SH3D19: variants seen among roughly 807,000 people sequenced by gnomAD.
The protein encoded by SH3D19 is SH3 domain containing 19, also known as SH3 domain-containing protein 19.
In SH3D19, 58 loss-of-function variants were observed where a neutral mutation model predicts 112.1. The observed-to-expected ratio is 0.52, with a 90% confidence interval of 0.42 to 0.64. SH3D19 has a LOEUF of 0.64. SH3D19 is among the 30% of genes least tolerant of loss of function. The probability of loss-of-function intolerance (pLI) is 0.00; values close to 1 mark genes in which losing one functional copy is unlikely to be tolerated. For missense variants in SH3D19, 1,090 were observed against 1,263.4 expected, an observed-to-expected ratio of 0.86 and a Z score of 2.08; for synonymous variants, 391 against 448.5, an observed-to-expected ratio of 0.87 and a Z score of 1.62.
At position 151,133,123 on chromosome 4, in the gene SH3D19, C is replaced by T. The variant is rs1361511395; in HGVS notation, c.2600G>A (p.Arg867Lys). ...LKEYVNEEWARGEVRGRTGIF... is the reference protein window; with the variant it reads ...LKEYVNEEWAKGEVRGRTGIF... ...CCCAGTTCTGCCTCGAACTTCTCCT[C>T]TGGCCCATTCCTCATTCACATACTC... is the stretch of plus-strand genomic sequence containing the variant. Residue 867 changes from arginine to lysine, a missense_variant, in exon 16 of 20, where the codon AGA becomes AAA. Transcript: ENST00000604030. 1 of 1,614,204 alleles carries T rather than the reference C, an allele frequency of 6.2e-7. No homozygotes were observed. The highest frequency in any genetic ancestry group is 1.1e-5 in the South Asian group (1 of 91,090).
chr4:151,283,173 G>A, intron 1 of SH3D19: 1 of 1,613,848 alleles, frequency 6.2e-7, no homozygotes, highest in Non-Finnish European at 8.5e-7. Flanking sequence ...TGACCGCCAG[G>A]CTTGTGAACA....
intron 1 of SH3D19, among the ~76,000 whole-genome samples, chr4:151,237,110 G>A (rs564322708): frequency 4.5e-4 from 69 of 152,098 alleles, no homozygotes; most frequent in African/African-American, 8.9e-4. Flanking sequence ...AACATGCACC[G>A]CGAAAGTCTG....
At chr4:151,136,159 A>AT (rs1215738247) in intron 14 of SH3D19, among the ~76,000 whole-genome samples, 10 of 152,016 alleles carry the variant, frequency 6.6e-5, no homozygotes, top group African/African-American at 2.4e-4. Flanking sequence ...TTATTTATTT[A>AT]TTTTTTGAGA....
intron 1 of SH3D19, among the ~76,000 whole-genome samples, chr4:151,297,751 G>A (rs944095995): frequency 9.2e-5 from 14 of 152,180 alleles, no homozygotes; most frequent in Admixed American, 6.5e-5. Flanking sequence ...CTCTAAGGAC[G>A]TCCATGTTCT....
At chr4:151,250,453 A>C (rs1771276726) in intron 1 of SH3D19, among the ~76,000 whole-genome samples, 2 of 152,104 alleles carry the variant, frequency 1.3e-5, no homozygotes, top group Non-Finnish European at 2.9e-5. Flanking sequence ...TATATATTAT[A>C]TACAGACATG....
chr4:151,233,339 A>C (rs1769760027), intron 1 of SH3D19, among the ~76,000 whole-genome samples: 1 of 152,082 alleles, frequency 6.6e-6, no homozygotes, highest in African/African-American at 2.4e-5. Context: ...TCCATGGAAA[A>C]ATTGTCTTCC....
intron 1 of SH3D19, among the ~76,000 whole-genome samples, chr4:151,302,752 C>T (rs6817881): frequency 0.56 from 85,718 of 151,846 alleles, 24,958 homozygotes; most frequent in African/African-American, 0.72. Context: ...TAGTGGGAGG[C>T]TGAGCATTAG....
chr4:151,225,020 T>C (rs1024002036), intron 2 of SH3D19, among the ~76,000 whole-genome samples: 2 of 152,254 alleles, frequency 1.3e-5, no homozygotes, highest in Admixed American at 6.5e-5. Context: ...ATATTCTAAA[T>C]ACCCAGCTAT....
chr4:151,270,631 T>C (rs1301989770), intron 1 of SH3D19, among the ~76,000 whole-genome samples: 1 of 152,226 alleles, frequency 6.6e-6, no homozygotes, highest in Non-Finnish European at 1.5e-5. Context: ...AGTAGGTTTA[T>C]AACAGCACCA....
chr4:151,160,652 T>C (rs1220694690), intron 8 of SH3D19, among the ~76,000 whole-genome samples: 1 of 150,306 alleles, frequency 6.7e-6, no homozygotes, highest in East Asian at 2.0e-4. Context: ...TAAAAGGAGA[T>C]GAGCAGATGA....
chr4:151,188,128 T>C (rs1762074131), intron 2 of SH3D19, among the ~76,000 whole-genome samples: 1 of 152,092 alleles, frequency 6.6e-6, no homozygotes, highest in Admixed American at 6.6e-5. Flanking sequence ...TTTCCCAGCC[T>C]CCATACCCAT....
At chr4:151,291,178 GT>G (rs1775302458) in intron 1 of SH3D19, 1 of 1,613,846 alleles carries the variant, frequency 6.2e-7, no homozygotes, top group African/African-American at 1.3e-5. Context: ...GACAGGAGTA[GT>G]AAGCTGGGGA....
At chr4:151,185,990 A>G (rs1442385548) in intron 3 of SH3D19, among the ~76,000 whole-genome samples, 1 of 152,054 alleles carries the variant, frequency 6.6e-6, no homozygotes, top group Non-Finnish European at 1.5e-5. Context: ...CAACGAGACA[A>G]GATCGCGCCA....
intron 12 of SH3D19, among the ~76,000 whole-genome samples, chr4:151,142,560 G>A (rs538729226): frequency 1.1e-4 from 17 of 152,118 alleles, no homozygotes; most frequent in East Asian, 1.9e-4. Flanking sequence ...AATAACCACC[G>A]AAGAAGGTGG....
At chr4:151,212,082 C>T (rs554942918) in intron 2 of SH3D19, among the ~76,000 whole-genome samples, 3 of 152,358 alleles carry the variant, frequency 2.0e-5, no homozygotes, top group Admixed American at 6.5e-5. Context: ...CTTCAAAGGA[C>T]AGGCTGACTT....
intron 1 of SH3D19, among the ~76,000 whole-genome samples, chr4:151,254,384 G>A (rs974790347): frequency 6.7e-6 from 1 of 149,574 alleles, no homozygotes; most frequent in Admixed American, 6.7e-5. Context: ...GATTTGGCAG[G>A]GTCATAGGAC....
intron 1 of SH3D19, among the ~76,000 whole-genome samples, chr4:151,263,115 C>T (rs1400971816): frequency 1.3e-5 from 2 of 152,166 alleles, no homozygotes; most frequent in Non-Finnish European, 2.9e-5. Context: ...TGCCTTTCCC[C>T]CGCACAAGTC....
intron 1 of SH3D19, among the ~76,000 whole-genome samples, chr4:151,294,778 T>C (rs893463526): frequency 1.3e-5 from 2 of 152,134 alleles, no homozygotes; most frequent in African/African-American, 2.4e-5. Flanking sequence ...AATAACCAAA[T>C]GCAAAATAAA....
chr4:151,145,879 G>A (rs952895739), intron 11 of SH3D19, among the ~76,000 whole-genome samples: 2 of 152,106 alleles, frequency 1.3e-5, no homozygotes, highest in African/African-American at 4.8e-5. Context: ...CTTGTTAAAG[G>A]AGGATAATAA....
Sources: allele counts gnomAD v4.1 joint callset (sites outside exome capture counted in the v4.1 genomes callset), GRCh38; gene constraint gnomAD v4.1.1; transcripts MANE v1.5; gene names NCBI Gene and HGNC (gene_info 2026-07-23, HGNC 2026-07-21).